The following MEGF11 variants were observed in gnomAD, a reference collection of about 807,000 sequenced individuals.
MEGF11 encodes the protein multiple epidermal growth factor-like domains protein 11.
Under a neutral mutation model 146.6 loss-of-function variants are expected in MEGF11, and 126 were observed. The observed-to-expected ratio is 0.86, with a 90% CI of 0.74 to 1.00. MEGF11 has a LOEUF of 1.00. Among genes scored for constraint, MEGF11 ranks in the 50% least tolerant of loss-of-function variants. The probability of loss-of-function intolerance (pLI) is 0.00; values close to 1 mark genes in which losing one functional copy is unlikely to be tolerated. For synonymous variants in MEGF11, 532 were observed against 583.4 expected, an observed-to-expected ratio of 0.91 and a Z score of 1.27; for missense variants, 1,509 against 1,521.2, an observed-to-expected ratio of 0.99 and a Z score of 0.13.
intron 5 of MEGF11, among the ~76,000 whole-genome samples, chr15:66,013,677 A>T (rs2082783397): frequency 6.6e-6 from 1 of 152,180 alleles, no homozygotes; most frequent in Non-Finnish European, 1.5e-5. Context: ...AAGGAGAAAG[A>T]AAAGAAGGAC....
At chr15:65,978,836 T>G (rs2081538309) in intron 7 of MEGF11, among the ~76,000 whole-genome samples, 1 of 152,138 alleles carries the variant, frequency 6.6e-6, no homozygotes, top group South Asian at 2.1e-4. Flanking sequence ...AGACTTGGAT[T>G]CTAGCTCCAC....
At chr15:66,072,687 C>G (rs1483784107) in intron 5 of MEGF11, among the ~76,000 whole-genome samples, 2 of 152,180 alleles carry the variant, frequency 1.3e-5, no homozygotes, top group African/African-American at 4.8e-5. Flanking sequence ...TTTGGAAAAC[C>G]TTGGGAAGCT....
In MEGF11 at chr15:66,000,936, C is replaced by CT. The variant is rs553106397; in HGVS notation, c.395-18449dup. On this transcript the variant is annotated intron_variant, in intron 5 of 25. Coordinates refer to ENST00000395614, the MANE Select transcript of MEGF11 (RefSeq NM_001385028.1). ...TGGTGGGGCCTGGAGGGAGAGTGGG[C>CT]TTAAAGGATGGGGTGGAGCTTGGGA... is the stretch of plus-strand genomic sequence containing the variant. Among the ~76,000 whole-genome samples the CT allele has an allele frequency of 2.3e-3, 344 of 152,142 alleles. 1 individual carries two copies. The highest frequency in any genetic ancestry group is 7.9e-3 in the African/African-American group (327 of 41,490).
At chr15:66,187,525 C>T (rs991651625) in intron 1 of MEGF11, among the ~76,000 whole-genome samples, 30 of 152,186 alleles carry the variant, frequency 2.0e-4, no homozygotes, top group Non-Finnish European at 2.9e-5. Flanking sequence ...GAGAGGCTGC[C>T]CCTCACACCC....
chr15:66,066,224 G>A (rs2085119137), intron 5 of MEGF11, among the ~76,000 whole-genome samples: 1 of 152,138 alleles, frequency 6.6e-6, no homozygotes, highest in African/African-American at 2.4e-5. Context: ...GAGGGCAGCA[G>A]CAGGGTAGGC....
intron 1 of MEGF11, among the ~76,000 whole-genome samples, chr15:66,187,531 C>T (rs546752042): frequency 1.1e-3 from 168 of 152,324 alleles, no homozygotes; most frequent in African/African-American, 3.8e-3. Context: ...CTGCCCCTCA[C>T]ACCCCCACCT....
intron 16 of MEGF11, among the ~76,000 whole-genome samples, 165 bp from the exon 17 acceptor site, chr15:65,917,121 T>TA (rs1228380539): frequency 2.6e-5 from 4 of 152,274 alleles, no homozygotes; most frequent in Admixed American, 6.5e-5. Context: ...TTCCTGCACT[T>TA]ACTTCTTGGC....
Position 65,982,569 on chromosome 15 carries a change from G to A in MEGF11, c.395-81C>T. The A allele has an allele frequency of 7.2e-7, 1 of 1,393,614 alleles. No individual in the cohort carries two copies. The highest frequency in any genetic ancestry group is 1.6e-5 in the South Asian group (1 of 62,872). The allele number at this position is 1,393,614 out of a possible 1,614,324, so 86.3% of individuals were successfully genotyped here. ...GGGGCCAGGAACCGATGCCCATGCGGCCTTCCCATCTTTGCAGCGCTGCTC... is the reference window on the plus strand; with the variant it reads ...GGGGCCAGGAACCGATGCCCATGCGACCTTCCCATCTTTGCAGCGCTGCTC... On this transcript the variant is annotated intron_variant, in intron 5 of 25. Coordinates refer to ENST00000395614, the MANE Select transcript of MEGF11 (RefSeq NM_001385028.1). The surrounding 1 kb of genome is among the most constrained non-coding windows in gnomAD (Gnocchi z 5.6).
chr15:66,040,943 A>G (rs980708615), intron 5 of MEGF11, among the ~76,000 whole-genome samples: 1 of 150,874 alleles, frequency 6.6e-6, no homozygotes, highest in South Asian at 2.1e-4. Context: ...CGGTTTTCAC[A>G]AAGAGGCCAC....
intron 1 of MEGF11, among the ~76,000 whole-genome samples, chr15:66,164,621 G>A (rs78458039): frequency 6.6e-6 from 1 of 152,284 alleles, no homozygotes; most frequent in East Asian, 1.9e-4. Flanking sequence ...TTTGGACAGA[G>A]GACAGCTTCT....
chr15:66,008,401 ACGCG>A (rs10531573), intron 5 of MEGF11, among the ~76,000 whole-genome samples: 1,938 of 125,304 alleles, frequency 0.015, 39 homozygotes, highest in African/African-American at 0.048. Context: ...ACACATGCAC[ACGCG>A]CGCGCGCACA....
chr15:66,009,306 C>T (rs1252124023), intron 5 of MEGF11, among the ~76,000 whole-genome samples: 1 of 147,900 alleles, frequency 6.8e-6, no homozygotes, highest in African/African-American at 2.5e-5. Flanking sequence ...AGAGGAAAGA[C>T]CAGTCCCTTA....
In MEGF11 at chr15:65,957,861, CTGTTTA is replaced by C. The variant is rs572181243; in HGVS notation, c.1113-146_1113-141del. 2.3e-4 allele frequency: 173 copies of C among 738,142 alleles called. No homozygotes were observed. The African/African-American group carries it at 2.9e-3, about 12-fold the overall frequency. The allele number at this position is 738,142 out of a possible 1,614,324, so 45.7% of individuals were successfully genotyped here. ...GGGATTAAATTGCTCAATGCCTTTT[CTGTTTA>C]TCAGAAGATGCCAAGGCCACATGGT... On this transcript the variant is annotated intron_variant, in intron 9 of 25. Transcript: ENST00000395614.
At position 65,896,609 on chromosome 15, in the gene MEGF11, C is replaced by T. The variant is rs1333589977; in HGVS notation, c.*1325G>A. On this transcript the variant is annotated 3_prime_UTR_variant, in exon 26 of 26. Coordinates refer to ENST00000395614, the MANE Select transcript of MEGF11 (RefSeq NM_001385028.1). ...TTTTTAATTCTTGTGAGAAGGTTCTCTTTAGGGCTTGGGAGTTGATTTCAT... is the reference window on the plus strand; with the variant it reads ...TTTTTAATTCTTGTGAGAAGGTTCTTTTTAGGGCTTGGGAGTTGATTTCAT... 3 of 152,606 alleles carry T rather than the reference C, an allele frequency of 2.0e-5. No individual in the cohort carries two copies. Among genetic ancestry groups the T allele is most frequent in the African/African-American group, 4.8e-5 (2 of 41,432 alleles). 9.5% of individuals were successfully genotyped at this position (152,606 alleles called of 1,614,324 possible). A position where few individuals can be genotyped will look rare whatever the true frequency, so the allele number is the denominator to read the frequency against.
At chr15:65,946,498 T>C (rs1325382017) in intron 10 of MEGF11, among the ~76,000 whole-genome samples, 2 of 152,140 alleles carry the variant, frequency 1.3e-5, no homozygotes, top group Admixed American at 1.3e-4. Context: ...ATTCAAGCTA[T>C]TCTCATGCCT....
intron 5 of MEGF11, among the ~76,000 whole-genome samples, chr15:66,076,950 T>C (rs2085616123): frequency 6.6e-6 from 1 of 152,228 alleles, no homozygotes; most frequent in Non-Finnish European, 1.5e-5. Context: ...GCCTTCAGCA[T>C]CCTCTCTCTT....
intron 10 of MEGF11, among the ~76,000 whole-genome samples, chr15:65,953,804 T>G (rs1443993038): frequency 1.3e-5 from 2 of 151,980 alleles, no homozygotes; most frequent in Non-Finnish European, 2.9e-5. Context: ...CCCTGTGCTC[T>G]CGGGGGTGGA....
intron 21 of MEGF11, chr15:65,910,013 C>G: frequency 4.4e-6 from 3 of 684,260 alleles, no homozygotes; most frequent in Non-Finnish European, 8.0e-6. Context: ...ATACCCCACC[C>G]CAGCTGTTGG....
At chr15:66,187,811 C>T (rs987477673) in intron 1 of MEGF11, among the ~76,000 whole-genome samples, 2 of 152,234 alleles carry the variant, frequency 1.3e-5, no homozygotes, top group South Asian at 2.1e-4. Flanking sequence ...CCTGAGGATC[C>T]GCCAGCCGGC....
Sources: gnomAD v4.1 joint callset for allele counts (sites outside exome capture counted in the v4.1 genomes callset) on GRCh38, gnomAD v4.1.1 for gene constraint, Gnocchi (gnomAD v3.1) non-coding constraint, MANE v1.5 for transcripts, NCBI Gene and HGNC (gene_info 2026-07-23, HGNC 2026-07-21) for gene names.